Variants in TRIM10 observed in about 807,000 individuals in gnomAD.
TRIM10 encodes the protein tripartite motif containing 10.
In TRIM10, 42 loss-of-function variants were observed where a neutral mutation model predicts 40.0. The observed-to-expected ratio is 1.05, with a 90% CI of 0.82 to 1.36. TRIM10 has a LOEUF of 1.36. Ranked by LOEUF, TRIM10 falls within the 40% of genes most tolerant of loss-of-function variation. TRIM10 has a pLI of 0.00. For synonymous variants in TRIM10, 260 were observed against 239.5 expected (o/e 1.09, Z -0.79); for missense variants, 601 against 608.3 (o/e 0.99, Z 0.13).
upstream of TRIM10, chr6:30,163,946 GAGA>G (rs1562138485): frequency 1.9e-6 from 3 of 1,613,112 alleles, no homozygotes; most frequent in South Asian, 1.1e-5. Context: ...GGAGCACGGC[GAGA>G]AGATCTACTT....
At position 30,154,326 on chromosome 6, in the gene TRIM10, C is replaced by A; in HGVS notation, c.1089G>T (p.Gly363=). 6.2e-7 allele frequency: 1 copy of A among 1,613,048 alleles called. No individual in the cohort carries two copies. The highest frequency in any genetic ancestry group is 8.5e-7 in the Non-Finnish European group (1 of 1,179,990). The part of the protein sequence containing the change: ...CVLAHTGITG[G]RHTWVVSIDL... ...CTATACTCACCACCCACGTGTGTCT[C>A]CCCCCTGTGATGCCAGTGTGGGCCA... The change falls in exon 7 of 7, where the codon GGG becomes GGT. Residue 363 remains glycine, a synonymous_variant. Transcript: ENST00000449742.
At position 30,159,201 on chromosome 6, in the gene TRIM10, C is replaced by T; in HGVS notation, c.474G>A (p.Glu158=). The T allele has an allele frequency of 6.2e-7, 1 of 1,611,294 alleles. No individual in the cohort carries two copies. ...KCLKCLRKER[E]EIQEIQSREN... ...CTCTTGACTGGATTTCTTGAATCTC[C>T]TCTCTCTCTTTTCTTAGACATTTAA... Residue 158 remains glutamate, a synonymous_variant, in exon 2 of 7, where the codon GAG becomes GAA. Transcript: ENST00000449742.
Position 30,155,741 on chromosome 6 carries a change from A to T in TRIM10, c.914T>A (p.Leu305Ter). 6.2e-7 allele frequency: 1 copy of T among 1,613,648 alleles called. No homozygotes were observed. Among genetic ancestry groups the T allele is most frequent in the Middle Eastern group, 1.6e-4 (1 of 6,062 alleles). ...KMFLEKLCFE[L>*]DYEPAHISLD... Reference sequence around the variant, plus strand: ...AGGCTCCTTACCTGGCTCATAGTCCAACTCAAAGCATAGTTTTTCTGTAAA... The same window carrying T: ...AGGCTCCTTACCTGGCTCATAGTCCTACTCAAAGCATAGTTTTTCTGTAAA... Residue 305 changes from leucine to a stop codon, truncating the protein, a stop_gained, in exon 6 of 7, where the codon TTG becomes TAG. Transcript: ENST00000449742. LOFTEE classifies it low-confidence loss of function (END_TRUNC).
rs1013899445 is a variant in TRIM10, at chr6:30,154,197, C to T, written c.1218G>A (p.Arg406=). The change falls in exon 7 of 7, where the codon AGG becomes AGA. Residue 406 remains arginine, a synonymous_variant. Transcript: ENST00000449742. ...GAGCCGAGACGAAGCCCCAAGCCAG[C>T]CTCACAGCCCACACCCCCTCCTCTG... ...LRPEEGVWAV[R]LAWGFVSALG... The T allele has an allele frequency of 6.2e-7, 1 of 1,611,792 alleles. No homozygotes were observed. The highest frequency in any genetic ancestry group is 1.3e-5 in the African/African-American group (1 of 74,918).
Position 30,152,885 on chromosome 6 carries a change from C to T in TRIM10, c.*1084G>A, listed in dbSNP as rs1433547086. The T allele has an allele frequency of 6.6e-6, 1 of 152,208 alleles. No homozygotes were observed. Among genetic ancestry groups the T allele is most frequent in the Non-Finnish European group, 1.5e-5 (1 of 68,048 alleles). 9.4% of individuals were successfully genotyped at this position (152,208 alleles called of 1,614,324 possible). A position where few individuals can be genotyped will look rare whatever the true frequency, so the allele number is the denominator to read the frequency against. On this transcript the variant is annotated 3_prime_UTR_variant, in exon 7 of 7. Coordinates refer to ENST00000449742, the MANE Select transcript of TRIM10 (RefSeq NM_006778.4). The stretch of plus-strand genomic sequence containing the variant: ...TAGGTCATCCAACTTATGCCCTGGC[C>T]TCCTTCTGGAATTCTTTTACCTAGC...
Position 30,160,745 on chromosome 6 carries a change from G to A in TRIM10, c.114C>T (p.Ala38=). The A allele has an allele frequency of 6.2e-7, 1 of 1,614,230 alleles. No individual in the cohort carries two copies. Among genetic ancestry groups the A allele is most frequent in the South Asian group, 1.1e-5 (1 of 91,090 alleles). The part of the protein sequence containing the change: ...TIDCGHNFCR[A]CLTRYCEIPG... ...GTATCTCACAGTAGCGGGTAAGGCAGGCCCGGCAGAAGTTGTGGCCGCAGT... is the reference window on the plus strand; with the variant it reads ...GTATCTCACAGTAGCGGGTAAGGCAAGCCCGGCAGAAGTTGTGGCCGCAGT... Residue 38 remains alanine (A), a synonymous_variant, in exon 1 of 7, where the codon GCC becomes GCT. Coordinates refer to ENST00000449742, the MANE Select transcript of TRIM10 (RefSeq NM_006778.4).
In TRIM10 at chr6:30,160,665, C is replaced by T. The variant is rs12212092; in HGVS notation, c.194G>A (p.Arg65His). Residue 65 changes from arginine to histidine, a missense_variant, in exon 1 of 7, where the codon CGT (arginine) becomes CAT (histidine). Coordinates refer to ENST00000449742, the MANE Select transcript of TRIM10 (RefSeq NM_006778.4). ...PTCPLCKEPFRPGSFRPNWQL... is the reference protein window; with the variant it reads ...PTCPLCKEPFHPGSFRPNWQL... Reference sequence around the variant, plus strand: ...CCAGTTGGGCCGGAAGCTCCCAGGACGGAAGGGTTCTTTGCAGAGTGGGCA... The same window carrying T: ...CCAGTTGGGCCGGAAGCTCCCAGGATGGAAGGGTTCTTTGCAGAGTGGGCA... 112,316 of 1,614,092 alleles carry T rather than the reference C, an allele frequency of 0.07. 5,292 individuals carry two copies. The highest frequency in any genetic ancestry group is 0.22 in the African/African-American group (16,156 of 74,980).
At chr6:30,162,275 C>CAA (rs112405006), upstream of TRIM10, among the ~76,000 whole-genome samples, 126 of 65,248 alleles carry the variant, frequency 1.9e-3, 2 homozygotes, top group African/African-American at 6.0e-3. Flanking sequence ...GACTCCATTT[C>CAA]AAAAAAAAAA....
rs887619434 is a variant in TRIM10, at chr6:30,152,370, C to T, written c.*1599G>A. On this transcript the variant is annotated 3_prime_UTR_variant, in exon 7 of 7. Transcript: ENST00000449742. ...AATAGGATCTACTTTTCTGGAATCA[C>T]AGGTTTGGGTGCTTTGGATATGTTT... 6.6e-6 allele frequency: 1 copy of T among 152,210 alleles called. No individual in the cohort carries two copies. The highest frequency in any genetic ancestry group is 1.5e-5 in the Non-Finnish European group (1 of 68,032). 9.4% of individuals were successfully genotyped at this position (152,210 alleles called of 1,614,324 possible).
intron 5 of TRIM10, among the ~76,000 whole-genome samples, chr6:30,156,551 TACTG>T (rs1772545621): frequency 6.6e-6 from 1 of 152,180 alleles, no homozygotes; most frequent in Non-Finnish European, 1.5e-5. Flanking sequence ...TCAAGATAAA[TACTG>T]TTGTTGGCTA....
chr6:30,152,841 T>C lies in TRIM10; in HGVS notation c.*1128A>G, dbSNP rs1367947138. ...GTAGTCTCAATTACGGTAGTCTCAA[T>C]TCTTTAGACTAAAGTTCATAGGTCA... is the stretch of plus-strand genomic sequence containing the variant. On this transcript the variant is annotated 3_prime_UTR_variant, in exon 7 of 7. Transcript: ENST00000449742. 1 of 152,226 alleles carries C rather than the reference T, an allele frequency of 6.6e-6. No individual in the cohort carries two copies. Among genetic ancestry groups the C allele is most frequent in the Non-Finnish European group, 1.5e-5 (1 of 68,034 alleles). 9.4% of individuals were successfully genotyped at this position (152,226 alleles called of 1,614,324 possible). A position where few individuals can be genotyped will look rare whatever the true frequency, so the allele number is the denominator to read the frequency against.
rs762837556 is a variant in TRIM10, at chr6:30,153,961, G to A, written c.*8C>T. 5 of 1,589,768 alleles carry A rather than the reference G, an allele frequency of 3.1e-6. No individual in the cohort carries two copies. The highest frequency in any genetic ancestry group is 3.4e-5 in the Admixed American group (2 of 58,932). On this transcript the variant is annotated 3_prime_UTR_variant, in exon 7 of 7. Coordinates refer to ENST00000449742, the MANE Select transcript of TRIM10 (RefSeq NM_006778.4). ...TGTACTTAGAGGAGAGTAGGTAACT[G>A]CTCCTTCTCAGGAGCTCAGGGAGAA...
chr6:30,158,872 T>A (rs1772824031), intron 2 of TRIM10, among the ~76,000 whole-genome samples: 1 of 152,168 alleles, frequency 6.6e-6, no homozygotes, highest in Non-Finnish European at 1.5e-5. Flanking sequence ...TCCTGTCTTG[T>A]ATGAAAAGCA....
upstream of TRIM10, chr6:30,163,774 C>T (rs1257954804): frequency 6.2e-7 from 1 of 1,613,038 alleles, no homozygotes; most frequent in South Asian, 1.1e-5. Context: ...TGACCATTCC[C>T]TGTGGACACA....
intron 4 of TRIM10, 81 bp downstream of exon 4, chr6:30,157,288 C>A: frequency 1.5e-6 from 2 of 1,326,516 alleles, no homozygotes; most frequent in Non-Finnish European, 2.1e-6. Context: ...ATGTTATATA[C>A]CTGTGTGGCA....
At chr6:30,163,571 T>TCTCTCTCTC, upstream of TRIM10, 25 of 1,313,056 alleles carry the variant, frequency 1.9e-5, no homozygotes, top group Non-Finnish European at 2.6e-5. Context: ...TCTCTGTCTC[T>TCTCTCTCTC]TAGCCTTGCA....
chr6:30,157,204 G>T, intron 4 of TRIM10, 150 bp from the exon 5 acceptor site: 2 of 1,128,640 alleles, frequency 1.8e-6, no homozygotes, highest in Admixed American at 2.3e-5. Flanking sequence ...CCATTTTTGG[G>T]CATCTATGGA....
At position 30,158,293 on chromosome 6, in the gene TRIM10, C is replaced by A. The variant is rs1015208211; in HGVS notation, c.756+106G>T. 1.0e-5 allele frequency: 10 copies of A among 959,062 alleles called. No homozygotes were observed. The African/African-American group carries it at 1.6e-4, about 15-fold the overall frequency. 59.4% of individuals were successfully genotyped at this position (959,062 alleles called of 1,614,324 possible). A position where few individuals can be genotyped will look rare whatever the true frequency, so the allele number is the denominator to read the frequency against. On this transcript the variant is annotated intron_variant, in intron 3 of 6. Coordinates refer to ENST00000449742, the MANE Select transcript of TRIM10 (RefSeq NM_006778.4). ...TCTGGTCCTCTGACCCACCTCCCAT[C>A]TGGGATACAGAGATGTGTGAGTCAG...
At chr6:30,161,804 T>G (rs1477787186), upstream of TRIM10, among the ~76,000 whole-genome samples, 1 of 152,204 alleles carries the variant, frequency 6.6e-6, no homozygotes, top group Non-Finnish European at 1.5e-5. Flanking sequence ...GAGCCACATA[T>G]GCAATTTAAA....
Sources: allele counts gnomAD v4.1 joint callset (sites outside exome capture counted in the v4.1 genomes callset), GRCh38; gene constraint gnomAD v4.1.1; transcripts MANE v1.5; gene names NCBI Gene and HGNC (gene_info 2026-07-23, HGNC 2026-07-21).